The following HMBOX1 variants were observed in gnomAD, a reference collection of about 807,000 sequenced individuals.
The protein encoded by HMBOX1 is homeobox-containing protein 1.
Under a neutral mutation model 54.5 loss-of-function variants are expected in HMBOX1, and 14 were observed. The ratio of observed to expected loss-of-function variants is 0.26; its 90% confidence interval spans 0.17 to 0.40. The LOEUF is 0.40. Among genes scored for constraint, HMBOX1 ranks in the 10% least tolerant of loss-of-function variants. HMBOX1 has a pLI of 1.00. For missense variants in HMBOX1, 332 were observed against 514.4 expected, an observed-to-expected ratio of 0.65 and a Z score of 3.43; for synonymous variants, 160 against 181.0, an observed-to-expected ratio of 0.88 and a Z score of 0.93.
intron 1 of HMBOX1, among the ~76,000 whole-genome samples, chr8:28,939,288 T>TA (rs781363581): frequency 8.7e-4 from 114 of 130,314 alleles, no homozygotes; most frequent in Middle Eastern, 4.1e-3. Flanking sequence ...AAACTCCGTC[T>TA]AAAAAAAAAA....
chr8:28,950,296 G>A (rs1485792877), intron 1 of HMBOX1, among the ~76,000 whole-genome samples: 1 of 152,074 alleles, frequency 6.6e-6, no homozygotes, highest in Non-Finnish European at 1.5e-5. Context: ...GAGTTGTCTG[G>A]GGATTCTATG....
At chr8:29,042,447 A>C (rs930393133) in intron 6 of HMBOX1, among the ~76,000 whole-genome samples, 1 of 152,182 alleles carries the variant, frequency 6.6e-6, no homozygotes, top group East Asian at 1.9e-4. Context: ...AAAAAGTGAC[A>C]GTGGTCAGTT....
intron 6 of HMBOX1, among the ~76,000 whole-genome samples, chr8:29,035,515 T>C (rs183236401): frequency 4.1e-4 from 62 of 152,260 alleles, no homozygotes; most frequent in Non-Finnish European, 7.6e-4. Flanking sequence ...GCCATCTAGC[T>C]AAAGTGGAGC....
chr8:29,015,606 T>C (rs1834883096), intron 5 of HMBOX1, among the ~76,000 whole-genome samples: 1 of 152,222 alleles, frequency 6.6e-6, no homozygotes, highest in Admixed American at 6.5e-5. Context: ...CCTGCTTATG[T>C]CTAAACTTAG....
chr8:28,997,510 T>G (rs749592977), intron 4 of HMBOX1, among the ~76,000 whole-genome samples: 4 of 152,128 alleles, frequency 2.6e-5, no homozygotes, highest in Non-Finnish European at 5.9e-5. Context: ...GCTAGCATTT[T>G]GTTGAGGAGT....
chr8:29,040,323 T>C (rs898668472), intron 6 of HMBOX1, among the ~76,000 whole-genome samples: 1 of 152,236 alleles, frequency 6.6e-6, no homozygotes, highest in Non-Finnish European at 1.5e-5. Flanking sequence ...CATAGTTGTT[T>C]GCTATTTTAT....
chr8:28,983,669 A>T (rs1394677441), intron 4 of HMBOX1, among the ~76,000 whole-genome samples: 1 of 152,152 alleles, frequency 6.6e-6, no homozygotes, highest in Non-Finnish European at 1.5e-5. Context: ...GCTACCTTGT[A>T]GTGTAAGAGG....
At chr8:29,015,315 T>A (rs1834839969) in intron 5 of HMBOX1, among the ~76,000 whole-genome samples, 1 of 152,182 alleles carries the variant, frequency 6.6e-6, no homozygotes, top group African/African-American at 2.4e-5. Context: ...TACCTGGAAT[T>A]CACTGACCTA....
chr8:29,019,659 T>C (rs1000048361), intron 6 of HMBOX1, among the ~76,000 whole-genome samples: 3 of 152,206 alleles, frequency 2.0e-5, no homozygotes, highest in South Asian at 2.1e-4. Flanking sequence ...AATTGGTATA[T>C]TGGACAGAGC....
At chr8:29,048,924 A>G in intron 8 of HMBOX1, 30 bp from the exon 9 acceptor site, 3 of 1,465,708 alleles carry the variant, frequency 2.0e-6, no homozygotes, top group Non-Finnish European at 2.8e-6. Context: ...GGTAACAGAT[A>G]ATTTAGGGAT....
chr8:29,030,547 A>G (rs752174330), intron 6 of HMBOX1, among the ~76,000 whole-genome samples: 1 of 152,210 alleles, frequency 6.6e-6, no homozygotes, highest in Non-Finnish European at 1.5e-5. Flanking sequence ...AAAATCAATT[A>G]GTAAATGTTA....
chr8:29,041,602 A>C (rs1804830636), intron 6 of HMBOX1, among the ~76,000 whole-genome samples: 1 of 152,158 alleles, frequency 6.6e-6, no homozygotes, highest in Non-Finnish European at 1.5e-5. Flanking sequence ...GGTGGGATTC[A>C]TAGGGCAAAA....
At chr8:29,005,743 C>T (rs1436376704) in intron 4 of HMBOX1, among the ~76,000 whole-genome samples, 1 of 152,190 alleles carries the variant, frequency 6.6e-6, no homozygotes, top group Non-Finnish European at 1.5e-5. Context: ...CTCCCTCCTA[C>T]ATGGGTAACT....
At chr8:28,981,937 C>A (rs557589864) in intron 4 of HMBOX1, among the ~76,000 whole-genome samples, 2 of 152,090 alleles carry the variant, frequency 1.3e-5, no homozygotes, top group Non-Finnish European at 2.9e-5. Flanking sequence ...TTGCTAGAAT[C>A]GTAAAAATAC....
At chr8:28,945,437 T>A (rs560944283) in intron 1 of HMBOX1, among the ~76,000 whole-genome samples, 174 of 152,360 alleles carry the variant, frequency 1.1e-3, no homozygotes, top group Non-Finnish European at 1.7e-3. Context: ...TTAGGACGAT[T>A]ACTTTGTTAA....
chr8:28,975,078 A>G (rs1001586063), intron 3 of HMBOX1, among the ~76,000 whole-genome samples: 5 of 152,234 alleles, frequency 3.3e-5, no homozygotes, highest in Admixed American at 2.0e-4. Context: ...AAGCTGTTTT[A>G]TAAATTATCT....
chr8:29,031,165 C>T (rs901896550), intron 6 of HMBOX1, among the ~76,000 whole-genome samples: 2 of 152,102 alleles, frequency 1.3e-5, no homozygotes, highest in African/African-American at 4.8e-5. Flanking sequence ...CTGAATTGAG[C>T]GAACTAGCTG....
At chr8:28,938,571 A>C (rs1364618593) in intron 1 of HMBOX1, among the ~76,000 whole-genome samples, 2 of 151,850 alleles carry the variant, frequency 1.3e-5, no homozygotes, top group African/African-American at 2.4e-5. Context: ...TTCAGCCTTA[A>C]GAGTAGCTAG....
intron 1 of HMBOX1, among the ~76,000 whole-genome samples, chr8:28,945,692 C>T (rs1182551331): frequency 2.0e-5 from 3 of 151,954 alleles, no homozygotes; most frequent in South Asian, 2.1e-4. Flanking sequence ...GATGACCTAT[C>T]GATTATATTT....
Sources: gnomAD v4.1 joint callset for allele counts (sites outside exome capture counted in the v4.1 genomes callset) on GRCh38, gnomAD v4.1.1 for gene constraint, MANE v1.5 for transcripts, NCBI Gene and HGNC (gene_info 2026-07-23, HGNC 2026-07-21) for gene names.